CAMSAP1: variants seen among roughly 807,000 people sequenced by gnomAD.
The protein encoded by CAMSAP1 is calmodulin-regulated spectrin-associated protein 1.
CAMSAP1 carries 58 observed loss-of-function variants against 143.5 expected under a neutral mutation model. That is an observed-to-expected ratio of 0.40 (90% confidence interval 0.33 to 0.50). CAMSAP1 has a LOEUF of 0.50. CAMSAP1 is among the 20% of genes least tolerant of loss of function. CAMSAP1 has a pLI of 0.45. For missense variants in CAMSAP1, 1,969 were observed against 2,115.7 expected (o/e 0.93, Z 1.36); for synonymous variants, 945 against 859.3 (o/e 1.10, Z -1.74).
Position 135,818,988 on chromosome 9 carries a change from T to TC in CAMSAP1, c.3959+21dup, listed in dbSNP as rs550353201. 681 of 1,601,196 alleles carry TC rather than the reference T, an allele frequency of 4.3e-4. No homozygotes were observed. Among genetic ancestry groups the TC allele is most frequent in the African/African-American group, 2.9e-3 (218 of 74,828 alleles). On this transcript the variant is annotated intron_variant, in intron 12 of 16. Transcript: ENST00000389532. This position sits in a 1 kb window ranked among gnomAD's most constrained non-coding sequence, Gnocchi z 7.7. Reference sequence around the variant, plus strand: ...CACCAGGCTCCTGCTCAGTCTGCTTTCCCCCCCGGCGGGACGCTTACCGGG... The same window carrying TC: ...CACCAGGCTCCTGCTCAGTCTGCTTTCCCCCCCCGGCGGGACGCTTACCGGG...
In CAMSAP1 at chr9:135,818,994, C is replaced by T. The variant is rs41311218; in HGVS notation, c.3959+16G>A. On this transcript the variant is annotated intron_variant, in intron 12 of 16. Transcript: ENST00000389532. The surrounding 1 kb of genome is among the most constrained non-coding windows in gnomAD (Gnocchi z 7.7). ...GCTCCTGCTCAGTCTGCTTTCCCCC[C>T]CGGCGGGACGCTTACCGGGCTTCGT... 44 of 1,603,316 alleles carry T rather than the reference C, an allele frequency of 2.7e-5. No individual in the cohort carries two copies. In the South Asian group the frequency reaches 3.5e-4, roughly 13 times the overall value.
At chr9:135,874,087 T>C (rs1268370387) in intron 3 of CAMSAP1, among the ~76,000 whole-genome samples, 1 of 152,202 alleles carries the variant, frequency 6.6e-6, no homozygotes, top group Non-Finnish European at 1.5e-5. Flanking sequence ...ATTACTGTAA[T>C]TCATTGTATC....
intron 7 of CAMSAP1, among the ~76,000 whole-genome samples, chr9:135,839,545 G>A (rs985623597): frequency 4.6e-5 from 7 of 152,128 alleles, no homozygotes; most frequent in Non-Finnish European, 1.0e-4. Flanking sequence ...AAGATCCCGG[G>A]ACTGTAGAGC....
In CAMSAP1 at chr9:135,821,418, G is replaced by A. The variant is rs753966664; in HGVS notation, c.3243C>T (p.Pro1081=). Residue 1081 remains proline, a synonymous_variant, in exon 11 of 17, where the codon CCC becomes CCT. Coordinates refer to ENST00000389532, the MANE Select transcript of CAMSAP1 (RefSeq NM_015447.4). This position sits in a 1 kb window ranked among gnomAD's most constrained non-coding sequence, Gnocchi z 4.6. ...APVHFVEPLS[P]TGVAGHRKAP... is the part of the protein sequence containing the mutation. ...CTTTGCGGTGGCCAGCCACGCCCGT[G>A]GGAGAGAGTGGCTCCACGAAGTGGA... 2 of 1,614,032 alleles carry A rather than the reference G, an allele frequency of 1.2e-6. No individual in the cohort carries two copies. Among genetic ancestry groups the A allele is most frequent in the East Asian group, 2.2e-5 (1 of 44,874 alleles).
chr9:135,851,782 C>T (rs112438026), intron 5 of CAMSAP1, among the ~76,000 whole-genome samples: 2 of 152,208 alleles, frequency 1.3e-5, no homozygotes, highest in Non-Finnish European at 2.9e-5. Flanking sequence ...TCATCTTGAC[C>T]GCTATATGGT....
At chr9:135,860,467 G>A (rs1837143233) in intron 5 of CAMSAP1, among the ~76,000 whole-genome samples, 1 of 151,422 alleles carries the variant, frequency 6.6e-6, no homozygotes. Flanking sequence ...GTGTGGTGGT[G>A]GACACCTGTA....
At chr9:135,827,361 G>T in intron 8 of CAMSAP1, 46 bp downstream of exon 8, 1 of 1,413,918 alleles carries the variant, frequency 7.1e-7, no homozygotes, top group Non-Finnish European at 9.4e-7. Flanking sequence ...CACAAAAAGG[G>T]ACACAAGATG....
intron 7 of CAMSAP1, among the ~76,000 whole-genome samples, chr9:135,833,889 G>A (rs957303101): frequency 2.6e-5 from 4 of 152,198 alleles, no homozygotes; most frequent in African/African-American, 7.2e-5. Flanking sequence ...TACAGACTGA[G>A]AAACTATTTA....
At chr9:135,856,007 G>A (rs1269263460) in intron 5 of CAMSAP1, among the ~76,000 whole-genome samples, 7 of 152,130 alleles carry the variant, frequency 4.6e-5, no homozygotes, top group African/African-American at 1.7e-4. Flanking sequence ...AGCCGAGATC[G>A]TACCACTGCA....
Position 135,821,665 on chromosome 9 carries a change from T to C in CAMSAP1, c.2996A>G (p.Asn999Ser). The change falls in exon 11 of 17, where the codon AAT becomes AGT. Residue 999 changes from asparagine to serine, a missense_variant. This residue lies in a region of CAMSAP1 where 1,390 missense variants were observed against 1,420.8 expected (regional missense o/e 0.98). Coordinates refer to ENST00000389532, the MANE Select transcript of CAMSAP1 (RefSeq NM_015447.4). This position sits in a 1 kb window ranked among gnomAD's most constrained non-coding sequence, Gnocchi z 4.6. The stretch of plus-strand genomic sequence containing the variant: ...CAGGAGGGCAGCGGAGATCACCTTA[T>C]TTCTCTCCAGCTCGTGCAGAGCCAC... ...DPVALHELER[N>S]KVISAALLED... 1 of 1,614,024 alleles carries C rather than the reference T, an allele frequency of 6.2e-7. No individual in the cohort carries two copies.
chr9:135,882,918 G>A lies in CAMSAP1; in HGVS notation c.321C>T (p.His107=), dbSNP rs1838007671. 3.2e-6 allele frequency: 5 copies of A among 1,551,628 alleles called. No homozygotes were observed. In the Admixed American group the frequency reaches 9.8e-5, roughly 30 times the overall value. The change falls in exon 2 of 17, where the codon CAC becomes CAT. Residue 107 remains histidine (H), a synonymous_variant. Transcript: ENST00000389532. This position sits in a 1 kb window ranked among gnomAD's most constrained non-coding sequence, Gnocchi z 4.9. Reference sequence around the variant, plus strand: ...GGGACAGGGCCTGGATGACAGACTGGTGTCCCTGTAAGGCGGCCACCTGGT... The same window carrying A: ...GGGACAGGGCCTGGATGACAGACTGATGTCCCTGTAAGGCGGCCACCTGGT... ...KGDQVAALQG[H]QSVIQALSRK...
chr9:135,889,176 G>A (rs960856937), intron 1 of CAMSAP1, among the ~76,000 whole-genome samples: 9 of 152,196 alleles, frequency 5.9e-5, no homozygotes, highest in Non-Finnish European at 5.9e-5. Flanking sequence ...GACGAAGACC[G>A]AAAATGAAAC....
At chr9:135,857,753 G>A (rs1254434903) in intron 5 of CAMSAP1, among the ~76,000 whole-genome samples, 1 of 152,156 alleles carries the variant, frequency 6.6e-6, no homozygotes, top group Non-Finnish European at 1.5e-5. Context: ...TGTTGCATGT[G>A]GGGCAGGTCT....
At position 135,868,398 on chromosome 9, in the gene CAMSAP1, C is replaced by T. The variant is rs559690509; in HGVS notation, c.586-1862G>A. Among the ~76,000 whole-genome samples the T allele has an allele frequency of 4.6e-5, 7 of 152,228 alleles. No homozygotes were observed. The South Asian group carries it at 1.4e-3, about 32-fold the overall frequency. On this transcript the variant is annotated intron_variant, in intron 3 of 16. Transcript: ENST00000389532. ...CTGAGCCATTAACAAACCAGTTATTCACATTTGCAAACATGTTAAGACATC... is the reference window on the plus strand; with the variant it reads ...CTGAGCCATTAACAAACCAGTTATTTACATTTGCAAACATGTTAAGACATC...
At chr9:135,864,354 A>G (rs982893164) in intron 4 of CAMSAP1, among the ~76,000 whole-genome samples, 1 of 152,208 alleles carries the variant, frequency 6.6e-6, no homozygotes, top group African/African-American at 2.4e-5. Flanking sequence ...TCTTCTTATT[A>G]ATATATTTCA....
At chr9:135,894,628 A>G (rs1411354601) in intron 1 of CAMSAP1, among the ~76,000 whole-genome samples, 2 of 152,212 alleles carry the variant, frequency 1.3e-5, no homozygotes, top group Non-Finnish European at 2.9e-5. Context: ...AAGGCTAGGA[A>G]GGTCAGACTA....
intron 5 of CAMSAP1, among the ~76,000 whole-genome samples, chr9:135,853,818 G>C (rs1836860444): frequency 6.6e-6 from 1 of 152,182 alleles, no homozygotes; most frequent in South Asian, 2.1e-4. Context: ...GCCTTCAATG[G>C]AACTGCACCT....
At position 135,834,580 on chromosome 9, in the gene CAMSAP1, T is replaced by C. The variant is rs183633657; in HGVS notation, c.1046-6996A>G. Among the ~76,000 whole-genome samples the C allele has an allele frequency of 5.9e-5, 9 of 152,280 alleles. No homozygotes were observed. The East Asian group carries it at 1.7e-3, about 29-fold the overall frequency. Reference sequence around the variant, plus strand: ...GAAAAATACTGCTTGATCACACTTGTATGTGGAATCTAAAAAGTAGAACTT... The same window carrying C: ...GAAAAATACTGCTTGATCACACTTGCATGTGGAATCTAAAAAGTAGAACTT... On this transcript the variant is annotated intron_variant, in intron 7 of 16. Transcript: ENST00000389532.
At chr9:135,849,857 T>A (rs1433577201) in intron 7 of CAMSAP1, 1 of 175,054 alleles carries the variant, frequency 5.7e-6, no homozygotes, top group Non-Finnish European at 1.2e-5. Flanking sequence ...GTAGTAAACA[T>A]TTTTTTTTTT....
Sources: gnomAD v4.1 joint callset for allele counts (sites outside exome capture counted in the v4.1 genomes callset) on GRCh38, gnomAD v4.1.1 for gene constraint, gnomAD v4.1.1 regional missense constraint, Gnocchi (gnomAD v3.1) non-coding constraint, MANE v1.5 for transcripts, NCBI Gene and HGNC (gene_info 2026-07-23, HGNC 2026-07-21) for gene names.